The following FBLN1 variants were observed in gnomAD, a reference collection of about 807,000 sequenced individuals.
FBLN1 encodes the protein fibulin 1, also known as fibulin-1.
Under a neutral mutation model 89.7 loss-of-function variants are expected in FBLN1, and 34 were observed. The ratio of observed to expected loss-of-function variants is 0.38; its 90% CI spans 0.29 to 0.50. The LOEUF (loss-of-function observed/expected upper bound fraction) is 0.50, where lower values mean the gene tolerates loss of function less well. Among genes scored for constraint, FBLN1 ranks in the 20% least tolerant of loss-of-function variants. The probability of loss-of-function intolerance (pLI) is 0.92; values close to 1 mark genes in which losing one functional copy is unlikely to be tolerated. For missense variants in FBLN1, 777 were observed against 988.1 expected (o/e 0.79, Z 2.86); for synonymous variants, 393 against 391.3 (o/e 1.00, Z -0.05).
In FBLN1 at chr22:45,576,964, T is replaced by C. The variant is rs981989725; in HGVS notation, c.1841-13T>C. 3 of 1,613,538 alleles carry C rather than the reference T, an allele frequency of 1.9e-6. No individual in the cohort carries two copies. Among genetic ancestry groups the C allele is most frequent in the South Asian group, 2.2e-5 (2 of 91,084 alleles). On this transcript the variant is annotated splice_polypyrimidine_tract_variant and intron_variant, in intron 15 of 16. Transcript: ENST00000327858. The surrounding 1 kb of genome is among the most constrained non-coding windows in gnomAD (Gnocchi z 5.2). The stretch of plus-strand genomic sequence containing the variant: ...GGCTGTGCTGAGCCCTTCTCCATTC[T>C]GTGCCTCTGCAGAGATCATCTTCCT...
At chr22:45,523,539 C>T (rs2088279508) in intron 2 of FBLN1, among the ~76,000 whole-genome samples, 1 of 152,152 alleles carries the variant, frequency 6.6e-6, no homozygotes, top group South Asian at 2.1e-4. Flanking sequence ...CTCATCTCTA[C>T]TAAAAATATA....
At chr22:45,546,432 T>C (rs1602196633) in intron 11 of FBLN1, among the ~76,000 whole-genome samples, 1 of 152,170 alleles carries the variant, frequency 6.6e-6, no homozygotes. Context: ...GCCAGGCTGG[T>C]CTCGAACCCC....
At chr22:45,505,957 T>C (rs1321059319) in intron 1 of FBLN1, among the ~76,000 whole-genome samples, 1 of 152,176 alleles carries the variant, frequency 6.6e-6, no homozygotes, top group Non-Finnish European at 1.5e-5. Context: ...TTAGTAGAGA[T>C]GGGGTTTCAC....
chr22:45,538,214 A>C (rs141800629), intron 8 of FBLN1, among the ~76,000 whole-genome samples: 1 of 152,348 alleles, frequency 6.6e-6, no homozygotes, highest in Non-Finnish European at 1.5e-5. Flanking sequence ...GGGTCCCCTT[A>C]GCTTGGGATG....
chr22:45,600,589 C>T lies in FBLN1; in HGVS notation c.*143C>T. 2.1e-6 allele frequency: 2 copies of T among 939,914 alleles called. No homozygotes were observed. The highest frequency in any genetic ancestry group is 2.4e-5 in the East Asian group (1 of 41,270). The allele number at this position is 939,914 out of a possible 1,614,324, so 58.2% of individuals were successfully genotyped here. ...TAGGCCAACATGTATTAAGCTGAGC[C>T]AGATGAATAAGTCCATCTGATGTAT... On this transcript the variant is annotated 3_prime_UTR_variant, in exon 17 of 17. Coordinates refer to ENST00000327858, the MANE Select transcript of FBLN1 (RefSeq NM_006486.3).
chr22:45,507,355 G>A (rs1163948649), intron 1 of FBLN1, among the ~76,000 whole-genome samples: 13 of 152,160 alleles, frequency 8.5e-5, no homozygotes, highest in Admixed American at 8.5e-4. Context: ...GAAAGTGTCT[G>A]GAGAGATCTT....
rs1189443326 is a variant in FBLN1, at chr22:45,527,996, C to T, written c.471C>T (p.Gly157=). ...SQETGDLDVG[G]LQETDKIIEV... is the part of the protein sequence containing the mutation. ...AGACCGGAGATTTGGATGTCGGGGG[C>T]CTCCAAGAAACGGGTAACTTTCCCC... Residue 157 remains glycine (G), a synonymous_variant, in exon 4 of 17, where the codon GGC becomes GGT. Transcript: ENST00000327858. The T allele has an allele frequency of 1.2e-6, 2 of 1,614,188 alleles. No homozygotes were observed. Among genetic ancestry groups the T allele is most frequent in the Middle Eastern group, 3.3e-4 (2 of 6,058 alleles).
chr22:45,600,244 C>A (rs1920924524), intron 16 of FBLN1, 63 bp from the exon 17 acceptor site: 1 of 1,607,156 alleles, frequency 6.2e-7, no homozygotes, highest in African/African-American at 1.3e-5. Context: ...GAAACCATTT[C>A]CCAGATCTCT....
Position 45,545,165 on chromosome 22 carries a change from T to G in FBLN1, c.1321+1639T>G, listed in dbSNP as rs1382450236. On this transcript the variant is annotated intron_variant, in intron 11 of 16. Transcript: ENST00000327858. This position sits in a 1 kb window ranked among gnomAD's most constrained non-coding sequence, Gnocchi z 5.9. ...ACGGACGGTGTGAGGGGTCCTGGGC[T>G]TAGTTCACAAGAACGTGTATGGACA... is the stretch of plus-strand genomic sequence containing the variant. 2.0e-5 allele frequency among the ~76,000 whole-genome samples: 3 copies of G among 152,214 alleles called. No individual in the cohort carries two copies. The highest frequency in any genetic ancestry group is 7.2e-5 in the African/African-American group (3 of 41,448).
chr22:45,600,366 A>G lies in FBLN1; in HGVS notation c.2032A>G (p.Met678Val). The G allele has an allele frequency of 2.5e-6, 4 of 1,614,110 alleles. No homozygotes were observed. Among genetic ancestry groups the G allele is most frequent in the Non-Finnish European group, 3.4e-6 (4 of 1,180,030 alleles). ...GPFHAVLKLEMNYVVGGVVSH... is the reference protein window; with the variant it reads ...GPFHAVLKLEVNYVVGGVVSH... Reference sequence around the variant, plus strand: ...ATTTCATGCCGTCCTGAAGCTGGAGATGAACTATGTGGTCGGGGGCGTGGT... The same window carrying G: ...ATTTCATGCCGTCCTGAAGCTGGAGGTGAACTATGTGGTCGGGGGCGTGGT... Residue 678 changes from methionine (M) to valine (V), a missense_variant, in exon 17 of 17, where the codon ATG becomes GTG. Met to Val is a conservative substitution (Grantham distance 21). Transcript: ENST00000327858.
chr22:45,598,305 A>C (rs1317175523), intron 16 of FBLN1, among the ~76,000 whole-genome samples: 3 of 152,208 alleles, frequency 2.0e-5, no homozygotes, highest in Non-Finnish European at 4.4e-5. Flanking sequence ...TGGTACCGGA[A>C]ATTTGCCATA....
In FBLN1 at chr22:45,575,528, T is replaced by C. The variant is rs2088989747; in HGVS notation, c.1840+875T>C. Among the ~76,000 whole-genome samples the C allele has an allele frequency of 6.6e-6, 1 of 152,118 alleles. No individual in the cohort carries two copies. Among genetic ancestry groups the C allele is most frequent in the Non-Finnish European group, 1.5e-5 (1 of 68,014 alleles). ...GGCTTTGGGGGAACCATCGGAAGGT[T>C]GCAGTGGAGGAGGTTTGCATATAGA... On this transcript the variant is annotated intron_variant, in intron 15 of 16. Coordinates refer to ENST00000327858, the MANE Select transcript of FBLN1 (RefSeq NM_006486.3). This position sits in a 1 kb window ranked among gnomAD's most constrained non-coding sequence, Gnocchi z 6.3.
intron 3 of FBLN1, among the ~76,000 whole-genome samples, chr22:45,526,382 C>T (rs1208052241): frequency 6.6e-6 from 1 of 152,188 alleles, no homozygotes; most frequent in Non-Finnish European, 1.5e-5. Flanking sequence ...GCATTGCCTA[C>T]AGGCAGTAAA....
chr22:45,546,290 T>A (rs2088625952), intron 11 of FBLN1, among the ~76,000 whole-genome samples: 1 of 152,224 alleles, frequency 6.6e-6, no homozygotes, highest in African/African-American at 2.4e-5. Flanking sequence ...TGATCTTGGC[T>A]CACTGCAACC....
At chr22:45,592,107 C>T (rs118036991) in intron 16 of FBLN1, among the ~76,000 whole-genome samples, 2 of 152,322 alleles carry the variant, frequency 1.3e-5, no homozygotes, top group East Asian at 3.9e-4. Context: ...GCCCTGTTAG[C>T]TCCGTGATCT....
intron 4 of FBLN1, among the ~76,000 whole-genome samples, chr22:45,529,894 G>A (rs1364001221): frequency 6.6e-6 from 1 of 151,976 alleles, no homozygotes; most frequent in Non-Finnish European, 1.5e-5. Flanking sequence ...AAATAAAGAG[G>A]TGGGGAGGTG....
At chr22:45,571,133 A>G (rs200059597) in intron 14 of FBLN1, among the ~76,000 whole-genome samples, 1,604 of 115,388 alleles carry the variant, frequency 0.014, 18 homozygotes, top group African/African-American at 0.028. Flanking sequence ...AAAAAAAAAA[A>G]AAAGAAAGAA....
rs1297132213 is a variant in FBLN1, at chr22:45,531,334, G to A, written c.544+10G>A. On this transcript the variant is annotated intron_variant, in intron 5 of 16. Transcript: ENST00000327858. The surrounding 1 kb of genome is among the most constrained non-coding windows in gnomAD (Gnocchi z 4.9). ...AATGACCGCTGCCGAGGTGAGACTC[G>A]GGCGTCTCCCATCAGTTGGTATTTA... The A allele has an allele frequency of 3.1e-6, 5 of 1,612,944 alleles. No individual in the cohort carries two copies. The South Asian group carries it at 3.3e-5, about 11-fold the overall frequency.
chr22:45,511,344 G>A (rs975435334), intron 1 of FBLN1, among the ~76,000 whole-genome samples: 6 of 151,234 alleles, frequency 4.0e-5, no homozygotes, highest in African/African-American at 1.2e-4. Context: ...AGTAGAGACG[G>A]GCTTTCTCCA....
Sources: gnomAD v4.1 joint callset for allele counts (sites outside exome capture counted in the v4.1 genomes callset) on GRCh38, gnomAD v4.1.1 for gene constraint, Gnocchi (gnomAD v3.1) non-coding constraint, MANE v1.5 for transcripts, NCBI Gene and HGNC (gene_info 2026-07-23, HGNC 2026-07-21) for gene names.